TMEFF1: variants seen among roughly 807,000 people sequenced by gnomAD.
TMEFF1 encodes the protein tomoregulin-1.
In TMEFF1, 20 loss-of-function variants were observed where a neutral mutation model predicts 47.5. The observed-to-expected ratio is 0.42, with a 90% CI of 0.30 to 0.61. The LOEUF is 0.61. TMEFF1 is among the 20% of genes least tolerant of loss of function. The probability of loss-of-function intolerance (pLI) is 0.19; values close to 1 mark genes in which losing one functional copy is unlikely to be tolerated. For missense variants in TMEFF1, 411 were observed against 471.1 expected (o/e 0.87, Z 1.18); for synonymous variants, 162 against 166.3 (o/e 0.97, Z 0.20).
At chr9:100,528,086 T>C (rs1324893892) in intron 5 of TMEFF1, among the ~76,000 whole-genome samples, 3 of 151,122 alleles carry the variant, frequency 2.0e-5, no homozygotes, top group African/African-American at 7.3e-5. Context: ...CAAAAACCCA[T>C]CTGTACATCA....
chr9:100,525,175 C>A (rs1340580654), intron 5 of TMEFF1, among the ~76,000 whole-genome samples: 2 of 152,172 alleles, frequency 1.3e-5, no homozygotes, highest in African/African-American at 2.4e-5. Context: ...CAACAACAAT[C>A]GATTTTCCAA....
intron 1 of TMEFF1, among the ~76,000 whole-genome samples, chr9:100,477,893 C>T (rs978688757): frequency 9.2e-5 from 14 of 152,166 alleles, no homozygotes; most frequent in Non-Finnish European, 7.3e-5. Flanking sequence ...TTCCAAAGTG[C>T]TAGGATTACA....
chr9:100,533,120 G>T (rs1838428720), intron 5 of TMEFF1, among the ~76,000 whole-genome samples: 1 of 150,522 alleles, frequency 6.6e-6, no homozygotes, highest in African/African-American at 2.4e-5. Flanking sequence ...GATAGCATTG[G>T]GAGATATACC....
chr9:100,523,380 A>G (rs1050695211), intron 5 of TMEFF1, among the ~76,000 whole-genome samples: 9 of 152,148 alleles, frequency 5.9e-5, no homozygotes, highest in African/African-American at 2.2e-4. Context: ...TCTGCATAGC[A>G]CTAAGTAGAC....
chr9:100,560,672 C>T (rs1838998958), intron 7 of TMEFF1, among the ~76,000 whole-genome samples: 1 of 152,102 alleles, frequency 6.6e-6, no homozygotes, highest in Non-Finnish European at 1.5e-5. Context: ...TCTTCATTTT[C>T]TTCACTTCAG....
intron 8 of TMEFF1, among the ~76,000 whole-genome samples, chr9:100,563,021 T>G (rs1303171602): frequency 1.3e-5 from 2 of 152,144 alleles, no homozygotes; most frequent in Non-Finnish European, 2.9e-5. Flanking sequence ...TTTCACTATG[T>G]TGGCCAGGAT....
chr9:100,544,064 C>T (rs1359724439), intron 5 of TMEFF1, among the ~76,000 whole-genome samples: 1 of 151,378 alleles, frequency 6.6e-6, no homozygotes, highest in East Asian at 1.9e-4. Context: ...TATGACAGCT[C>T]ATTTCCAGTT....
At chr9:100,543,105 T>A (rs1208831813) in intron 5 of TMEFF1, among the ~76,000 whole-genome samples, 1 of 152,074 alleles carries the variant, frequency 6.6e-6, no homozygotes, top group African/African-American at 2.4e-5. Context: ...ATTTTGTATT[T>A]TTAGTAGAGA....
intron 1 of TMEFF1, among the ~76,000 whole-genome samples, chr9:100,493,233 T>C (rs1445308467): frequency 6.6e-6 from 1 of 152,134 alleles, no homozygotes; most frequent in African/African-American, 2.4e-5. Context: ...AATTATCTGG[T>C]TCCAAATGTC....
intron 1 of TMEFF1, among the ~76,000 whole-genome samples, chr9:100,482,255 C>T (rs534347478): frequency 1.3e-3 from 192 of 148,244 alleles, no homozygotes; most frequent in Admixed American, 3.1e-3. Flanking sequence ...TGGAGTGCAG[C>T]GGCTTGATCT....
chr9:100,552,634 T>C (rs534338434), intron 7 of TMEFF1, among the ~76,000 whole-genome samples: 2 of 152,318 alleles, frequency 1.3e-5, no homozygotes, highest in Non-Finnish European at 2.9e-5. Context: ...TAATAGCTAC[T>C]GGCCACATGT....
chr9:100,541,608 G>A (rs1838634523), intron 5 of TMEFF1, among the ~76,000 whole-genome samples: 3 of 151,800 alleles, frequency 2.0e-5, no homozygotes, highest in South Asian at 2.1e-4. Context: ...TCCTCACCTC[G>A]TGATCTGCCT....
At chr9:100,524,336 C>T (rs1479872494) in intron 5 of TMEFF1, among the ~76,000 whole-genome samples, 2 of 152,180 alleles carry the variant, frequency 1.3e-5, no homozygotes, top group Non-Finnish European at 2.9e-5. Flanking sequence ...CTATTATTTC[C>T]AGTACCTTGT....
At chr9:100,531,989 G>A (rs1223021401) in intron 5 of TMEFF1, among the ~76,000 whole-genome samples, 6 of 150,818 alleles carry the variant, frequency 4.0e-5, no homozygotes. Flanking sequence ...AAGCAATGGG[G>A]AAAGGATTCC....
At chr9:100,488,787 C>T (rs763517975) in intron 1 of TMEFF1, among the ~76,000 whole-genome samples, 4 of 152,112 alleles carry the variant, frequency 2.6e-5, no homozygotes, top group Non-Finnish European at 5.9e-5. Context: ...ACAAGGTGGT[C>T]TGATGCCAGG....
At chr9:100,531,340 A>G (rs1159840792) in intron 5 of TMEFF1, among the ~76,000 whole-genome samples, 1 of 152,238 alleles carries the variant, frequency 6.6e-6, no homozygotes, top group Non-Finnish European at 1.5e-5. Flanking sequence ...AGAAAACCCG[A>G]CTGTCTCAGC....
chr9:100,551,173 T>C (rs911327052), intron 7 of TMEFF1, among the ~76,000 whole-genome samples: 1 of 152,248 alleles, frequency 6.6e-6, no homozygotes, highest in African/African-American at 2.4e-5. Flanking sequence ...TTATACCTAA[T>C]TTCTAAACAA....
At chr9:100,515,001 T>TA (rs1838037461) in intron 4 of TMEFF1, among the ~76,000 whole-genome samples, 1 of 151,322 alleles carries the variant, frequency 6.6e-6, no homozygotes, top group Admixed American at 6.6e-5. Flanking sequence ...TCTCAAAAAA[T>TA]AAAAAAATAA....
chr9:100,539,472 T>A (rs1838583282), intron 5 of TMEFF1, among the ~76,000 whole-genome samples: 1 of 152,104 alleles, frequency 6.6e-6, no homozygotes, highest in Middle Eastern at 3.2e-3. Context: ...TTCCTTCTGG[T>A]GGGTTCGTAG....
Sources: allele counts gnomAD v4.1 joint callset (sites outside exome capture counted in the v4.1 genomes callset), GRCh38; gene constraint gnomAD v4.1.1; transcripts MANE v1.5; gene names NCBI Gene and HGNC (gene_info 2026-07-23, HGNC 2026-07-21).